The following JAKMIP3 variants were observed in gnomAD, a reference collection of about 807,000 sequenced individuals.
JAKMIP3 encodes the protein janus kinase and microtubule-interacting protein 3.
A neutral mutation model predicts 118.5 loss-of-function variants in JAKMIP3; 58 were observed. The observed-to-expected ratio is 0.49, with a 90% CI of 0.40 to 0.61. The LOEUF (loss-of-function observed/expected upper bound fraction) is 0.61. Among genes scored for constraint, JAKMIP3 ranks in the 20% least tolerant of loss-of-function variants. The probability of loss-of-function intolerance (pLI) is 0.00; values close to 1 mark genes in which losing one functional copy is unlikely to be tolerated. For missense variants in JAKMIP3, 950 were observed against 1,109.0 expected, an observed-to-expected ratio of 0.86 and a Z score of 2.04; for synonymous variants, 486 against 451.2, an observed-to-expected ratio of 1.08 and a Z score of -0.98.
rs1349340646 is a variant in JAKMIP3 at position 132,104,684 on chromosome 10, A to G, written c.-125A>G. 4.3e-6 allele frequency: 4 copies of G among 930,272 alleles called. No homozygotes were observed. The highest frequency in any genetic ancestry group is 1.6e-6 in the Non-Finnish European group (1 of 612,402). 57.6% of individuals were successfully genotyped at this position (930,272 alleles called of 1,614,324 possible). A position where few individuals can be genotyped will look rare whatever the true frequency, so the allele number is the denominator to read the frequency against. On this transcript the variant is annotated 5_prime_UTR_variant, in exon 2 of 24. It removes an upstream start codon present in the reference 5' UTR. Coordinates refer to ENST00000684848, the MANE Select transcript of JAKMIP3 (RefSeq NM_001323087.2). Reference sequence around the variant, plus strand: ...CTTTCCCCTCCAGGTGAATGAGAAGATGTAGTGTGACAGCAGCCCGGGTGA... The same window carrying G: ...CTTTCCCCTCCAGGTGAATGAGAAGGTGTAGTGTGACAGCAGCCCGGGTGA...
chr10:132,152,250 G>A (rs2056349593), intron 16 of JAKMIP3, among the ~76,000 whole-genome samples: 1 of 152,240 alleles, frequency 6.6e-6, no homozygotes, highest in Non-Finnish European at 1.5e-5. Context: ...GATGCCTGCT[G>A]TTAGGGAGCT....
rs550002019 is a variant in JAKMIP3, at chr10:132,085,976, C to T, written c.-137-18696C>T. 1.3e-3 allele frequency among the ~76,000 whole-genome samples: 193 copies of T among 152,096 alleles called. 1 individual carries two copies. The highest frequency in any genetic ancestry group is 4.6e-3 in the African/African-American group (190 of 41,484). ...GGTGTGACCTTAGATTGTTTGTGCTCTTGCAGATTTTTTGATGTAGGTGTT... is the reference window on the plus strand; with the variant it reads ...GGTGTGACCTTAGATTGTTTGTGCTTTTGCAGATTTTTTGATGTAGGTGTT... On this transcript the variant is annotated intron_variant, in intron 1 of 23. Transcript: ENST00000684848.
intron 1 of JAKMIP3, among the ~76,000 whole-genome samples, chr10:132,079,564 G>A (rs745692677): frequency 1.3e-5 from 2 of 152,184 alleles, no homozygotes; most frequent in Non-Finnish European, 2.9e-5. Context: ...CATGGAACAC[G>A]AATATGCCAC....
intron 2 of JAKMIP3, among the ~76,000 whole-genome samples, chr10:132,110,864 G>A (rs1378828729): frequency 6.6e-6 from 1 of 152,262 alleles, no homozygotes; most frequent in Non-Finnish European, 1.5e-5. Context: ...TGAGGAAGGT[G>A]CAGCGTGGGC....
Position 132,139,294 on chromosome 10 carries a change from GTGTA to G in JAKMIP3, c.1344+1120_1344+1123del, listed in dbSNP as rs1197420124. On this transcript the variant is annotated intron_variant, in intron 9 of 23. Coordinates refer to ENST00000684848, the MANE Select transcript of JAKMIP3 (RefSeq NM_001323087.2). ...TGTACATGTGAGTGTATATGCATCTGTGTATGTGTGTGAGTGTGTATGTGTATGT... is the reference window on the plus strand; with the variant it reads ...TGTACATGTGAGTGTATATGCATCTGTGTGTGTGAGTGTGTATGTGTATGT... 6.0e-5 allele frequency among the ~76,000 whole-genome samples: 7 copies of G among 116,308 alleles called. 1 individual carries two copies. The highest frequency in any genetic ancestry group is 1.3e-4 in the African/African-American group (3 of 23,644). 76.3% of individuals were successfully genotyped at this position (116,308 alleles called of 152,430 possible). A position where few individuals can be genotyped will look rare whatever the true frequency, so the allele number is the denominator to read the frequency against.
At chr10:132,110,992 TG>T (rs2046776388) in intron 2 of JAKMIP3, among the ~76,000 whole-genome samples, 1 of 152,238 alleles carries the variant, frequency 6.6e-6, no homozygotes, top group Non-Finnish European at 1.5e-5. Flanking sequence ...ATGCCTGTTC[TG>T]GGGTTTGGCC....
chr10:132,050,053 T>C (rs1590004627), intron 1 of JAKMIP3, among the ~76,000 whole-genome samples: 1 of 152,350 alleles, frequency 6.6e-6, no homozygotes, highest in Non-Finnish European at 1.5e-5. Flanking sequence ...TTTCTCTCTC[T>C]TTTTCTTCTT....
chr10:132,100,485 G>A (rs1010176077), intron 1 of JAKMIP3, among the ~76,000 whole-genome samples: 8 of 152,128 alleles, frequency 5.3e-5, no homozygotes, highest in Admixed American at 4.6e-4. Flanking sequence ...GTATTGACCA[G>A]AACAGCCTCA....
chr10:132,073,840 G>A (rs2040361326), intron 1 of JAKMIP3, among the ~76,000 whole-genome samples: 1 of 152,134 alleles, frequency 6.6e-6, no homozygotes, highest in Non-Finnish European at 1.5e-5. Context: ...ACATATGGGT[G>A]CTGATATCTT....
In JAKMIP3 at chr10:132,180,674, T is replaced by C. The variant is rs1320857248; in HGVS notation, c.*1104-1683T>C. Among the ~76,000 whole-genome samples, 24 of 19,318 alleles carry C rather than the reference T, an allele frequency of 1.2e-3. 8 individuals carry two copies. Among genetic ancestry groups the C allele is most frequent in the South Asian group, 8.8e-3 (4 of 452 alleles). 12.7% of individuals were successfully genotyped at this position (19,318 alleles called of 152,430 possible). On this transcript the variant is annotated intron_variant, in intron 23 of 23. Coordinates refer to ENST00000684848, the MANE Select transcript of JAKMIP3 (RefSeq NM_001323087.2). ...GTGCGTGTGCGTGTGTGCGTGTGTG[T>C]GCGCGCGCGTGTGTGTGCGTGCGTG... is the stretch of plus-strand genomic sequence containing the variant.
At chr10:132,077,239 G>A (rs921729122) in intron 1 of JAKMIP3, among the ~76,000 whole-genome samples, 4 of 152,200 alleles carry the variant, frequency 2.6e-5, no homozygotes, top group Non-Finnish European at 4.4e-5. Flanking sequence ...GGTGACCTGG[G>A]GAGAGGGTTT....
chr10:132,096,525 C>G (rs759768267), intron 1 of JAKMIP3, among the ~76,000 whole-genome samples: 1 of 152,302 alleles, frequency 6.6e-6, no homozygotes, highest in East Asian at 1.9e-4. Context: ...AGGAAGTGCA[C>G]TCGCAAATTT....
At chr10:132,125,374 G>C (rs1472578351) in intron 3 of JAKMIP3, among the ~76,000 whole-genome samples, 1 of 152,272 alleles carries the variant, frequency 6.6e-6, no homozygotes, top group Non-Finnish European at 1.5e-5. Flanking sequence ...CGTGCATCAA[G>C]TGAGCCCACA....
At chr10:132,038,826 TTGC>T (rs1305052905) in intron 1 of JAKMIP3, among the ~76,000 whole-genome samples, 2 of 150,844 alleles carry the variant, frequency 1.3e-5, no homozygotes, top group Non-Finnish European at 2.9e-5. Flanking sequence ...ATAAACATAC[TTGC>T]TGCATGTATG....
intron 19 of JAKMIP3, among the ~76,000 whole-genome samples, chr10:132,158,075 CCCCCCG>C (rs2136312422): frequency 9.0e-6 from 1 of 110,640 alleles, no homozygotes; most frequent in East Asian, 4.4e-4. Flanking sequence ...TGCCCACCGC[CCCCCCG>C]CCCCGCCCCG....
Position 132,153,777 on chromosome 10 carries a change from G to A in JAKMIP3, c.2092G>A (p.Glu698Lys). The A allele has an allele frequency of 6.2e-7, 1 of 1,613,186 alleles. No homozygotes were observed. The highest frequency in any genetic ancestry group is 8.5e-7 in the Non-Finnish European group (1 of 1,179,860). Residue 698 changes from glutamate to lysine, a missense_variant, in exon 18 of 24, where the codon GAG becomes AAG. Physicochemically the swap from Glu to Lys is moderately conservative, Grantham distance 56 (BLOSUM62 1). Coordinates refer to ENST00000684848, the MANE Select transcript of JAKMIP3 (RefSeq NM_001323087.2). ...LAEKWLQQIE[E>K]TEAALQRKMV... ...TGTCCAGTGGCTCCAGCAGATTGAGGAGACAGAGGCGGCGCTGCAGCGGAA... is the reference window on the plus strand; with the variant it reads ...TGTCCAGTGGCTCCAGCAGATTGAGAAGACAGAGGCGGCGCTGCAGCGGAA...
At chr10:132,134,118 G>T (rs887796906) in intron 4 of JAKMIP3, among the ~76,000 whole-genome samples, 2 of 152,140 alleles carry the variant, frequency 1.3e-5, no homozygotes, top group African/African-American at 4.8e-5. Context: ...CCTTGCTGCC[G>T]CTCCGCACTC....
chr10:132,143,980 G>C (rs2054090994), intron 11 of JAKMIP3: 1 of 152,380 alleles, frequency 6.6e-6, no homozygotes, highest in Admixed American at 6.5e-5. Context: ...GCCCAGGACG[G>C]CCTGGGGGCA....
rs1325750572 is a variant in JAKMIP3 at position 132,167,046 on chromosome 10, C to A, written c.*13C>A. On this transcript the variant is annotated 3_prime_UTR_variant, in exon 22 of 24. Transcript: ENST00000684848. ...TCTCTGGTCATAGTCCGTCTTGGCA[C>A]CCTGACGTGGTGAGTATTTCGTTGG... 6 of 1,548,536 alleles carry A rather than the reference C, an allele frequency of 3.9e-6. No homozygotes were observed. The Admixed American group carries it at 7.8e-5, about 20-fold the overall frequency.
Sources: allele counts gnomAD v4.1 joint callset (sites outside exome capture counted in the v4.1 genomes callset), GRCh38; gene constraint gnomAD v4.1.1; transcripts MANE v1.5; gene names NCBI Gene and HGNC (gene_info 2026-07-23, HGNC 2026-07-21).